The following RTN1 variants were observed in gnomAD, a reference collection of about 807,000 sequenced individuals.
The protein encoded by RTN1 is reticulon 1, also known as reticulon-1.
In RTN1, 25 loss-of-function variants were observed where a neutral mutation model predicts 65.5. The observed-to-expected ratio is 0.38, with a 90% confidence interval of 0.28 to 0.53. The LOEUF is 0.53. Ranked by LOEUF, RTN1 falls within the 20% of genes least tolerant of loss-of-function variation. The pLI is 0.79. For missense variants in RTN1, 983 were observed against 1,025.4 expected (o/e 0.96, Z 0.57); for synonymous variants, 471 against 447.6 (o/e 1.05, Z -0.66).
chr14:59,714,993 A>T (rs969788606), intron 3 of RTN1, among the ~76,000 whole-genome samples: 2 of 152,182 alleles, frequency 1.3e-5, no homozygotes, highest in Non-Finnish European at 2.9e-5. Context: ...TATGCTCCTT[A>T]TGAGACTCTA....
At chr14:59,710,219 C>CT (rs1054572297) in intron 3 of RTN1, among the ~76,000 whole-genome samples, 122 of 140,752 alleles carry the variant, frequency 8.7e-4, no homozygotes, top group Non-Finnish European at 1.5e-3. Context: ...ATTTTTGTAT[C>CT]TTTTTTTTGT....
chr14:59,757,099 A>G (rs371719441), intron 1 of RTN1, among the ~76,000 whole-genome samples: 3 of 152,140 alleles, frequency 2.0e-5, no homozygotes, highest in Non-Finnish European at 4.4e-5. Flanking sequence ...GCCTCCACAC[A>G]TGCTGCTGTG....
intron 2 of RTN1, among the ~76,000 whole-genome samples, chr14:59,731,762 C>T (rs1428637995): frequency 6.6e-6 from 1 of 152,192 alleles, no homozygotes; most frequent in Non-Finnish European, 1.5e-5. Flanking sequence ...CCTTTGGTGT[C>T]TGCAACCCTA....
chr14:59,862,846 T>C (rs1021407745), intron 1 of RTN1, among the ~76,000 whole-genome samples: 2 of 152,170 alleles, frequency 1.3e-5, no homozygotes, highest in Admixed American at 6.5e-5. Flanking sequence ...GACAATTTTA[T>C]ACCTTCTCCC....
intron 3 of RTN1, among the ~76,000 whole-genome samples, chr14:59,666,441 G>C (rs965530346): frequency 7.9e-5 from 12 of 152,274 alleles, no homozygotes; most frequent in Middle Eastern, 6.8e-3. Flanking sequence ...ATTTAAAGCA[G>C]TGTGTAGAGG....
intron 4 of RTN1, 119 bp from the exon 5 acceptor site, chr14:59,605,625 C>T (rs1733935221): frequency 9.4e-7 from 1 of 1,065,066 alleles, no homozygotes; most frequent in South Asian, 1.5e-5. Context: ...CAGGAGTCAT[C>T]TCTGGGGGGT....
chr14:59,819,200 T>C lies in RTN1; in HGVS notation c.241+51190A>G, dbSNP rs762415433. 8.9e-4 allele frequency among the ~76,000 whole-genome samples: 135 copies of C among 152,174 alleles called. 1 individual carries two copies. Among genetic ancestry groups the C allele is most frequent in the Non-Finnish European group, 1.2e-3 (84 of 67,996 alleles). On this transcript the variant is annotated intron_variant, in intron 1 of 8. Transcript: ENST00000267484. ...ATAGCTCACAAAAGTGGCGCGGACC[T>C]GAAAGGTGAGCAGCAGCAAGATTTA...
At chr14:59,769,348 G>C (rs892711844) in intron 1 of RTN1, among the ~76,000 whole-genome samples, 1 of 152,132 alleles carries the variant, frequency 6.6e-6, no homozygotes, top group Non-Finnish European at 1.5e-5. Context: ...TCAATGCATA[G>C]CAAGCATTTC....
chr14:59,613,862 A>T (rs1882031009), intron 3 of RTN1, among the ~76,000 whole-genome samples: 1 of 152,088 alleles, frequency 6.6e-6, no homozygotes, highest in African/African-American at 2.4e-5. Flanking sequence ...AAGCAGATAA[A>T]TCCCTCTCAA....
intron 3 of RTN1, among the ~76,000 whole-genome samples, chr14:59,708,183 A>T (rs1392015587): frequency 2.0e-5 from 3 of 152,246 alleles, no homozygotes; most frequent in Non-Finnish European, 4.4e-5. Flanking sequence ...AAGCAAGGTT[A>T]TATCTAACAA....
chr14:59,800,006 T>C (rs1307730538), intron 1 of RTN1, among the ~76,000 whole-genome samples: 3 of 151,974 alleles, frequency 2.0e-5, no homozygotes, highest in African/African-American at 7.3e-5. Flanking sequence ...TGGCAAAAAG[T>C]AATAAGCAAA....
intron 3 of RTN1, among the ~76,000 whole-genome samples, chr14:59,643,936 T>C (rs1308603182): frequency 6.6e-6 from 1 of 152,122 alleles, no homozygotes; most frequent in Non-Finnish European, 1.5e-5. Flanking sequence ...AGATATTGAT[T>C]TAGCAGACAA....
At chr14:59,607,758 G>A (rs1294869195) in intron 3 of RTN1, among the ~76,000 whole-genome samples, 3 of 151,928 alleles carry the variant, frequency 2.0e-5, no homozygotes, top group African/African-American at 7.3e-5. Flanking sequence ...TATCGCGATG[G>A]GTGTAGCTCT....
intron 1 of RTN1, among the ~76,000 whole-genome samples, chr14:59,798,108 T>G (rs1344119290): frequency 3.9e-5 from 6 of 152,222 alleles, no homozygotes; most frequent in Non-Finnish European, 7.3e-5. Context: ...TCCAGAGATA[T>G]ACTGTACTAT....
rs1886934091 is a variant in RTN1, at chr14:59,820,979, CT to C, written c.241+49410del. Among the ~76,000 whole-genome samples, 6 of 152,238 alleles carry C rather than the reference CT, an allele frequency of 3.9e-5. No individual in the cohort carries two copies. The South Asian group carries it at 1.2e-3, about 32-fold the overall frequency. On this transcript the variant is annotated intron_variant, in intron 1 of 8. Coordinates refer to ENST00000267484, the MANE Select transcript of RTN1 (RefSeq NM_021136.3). The stretch of plus-strand genomic sequence containing the variant: ...GCTTTGTTCTTTTTGCTTAAGAATG[CT>C]TTGGCTATTTGGGCTCTTTTTGGTT...
intron 1 of RTN1, among the ~76,000 whole-genome samples, chr14:59,852,512 C>T (rs888683337): frequency 2.0e-5 from 3 of 152,104 alleles, no homozygotes; most frequent in African/African-American, 7.2e-5. Flanking sequence ...CTTAAAATAC[C>T]ATTTGGTTCC....
chr14:59,737,436 C>T (rs985167484), intron 2 of RTN1, among the ~76,000 whole-genome samples: 1 of 152,056 alleles, frequency 6.6e-6, no homozygotes, highest in South Asian at 2.1e-4. Flanking sequence ...AATAAAATAC[C>T]TAGGAATACA....
At chr14:59,614,432 A>T (rs1178001656) in intron 3 of RTN1, among the ~76,000 whole-genome samples, 1 of 152,168 alleles carries the variant, frequency 6.6e-6, no homozygotes, top group Admixed American at 6.5e-5. Context: ...GTTTACATAT[A>T]AAAAAACTCT....
chr14:59,729,113 G>C (rs1884844701), intron 2 of RTN1, among the ~76,000 whole-genome samples: 1 of 152,116 alleles, frequency 6.6e-6, no homozygotes, highest in Non-Finnish European at 1.5e-5. Flanking sequence ...AAGCAGGTGA[G>C]AGAGTGACTC....
Sources: allele counts gnomAD v4.1 joint callset (sites outside exome capture counted in the v4.1 genomes callset), GRCh38; gene constraint gnomAD v4.1.1; transcripts MANE v1.5; gene names NCBI Gene and HGNC (gene_info 2026-07-23, HGNC 2026-07-21).